SCAMP1: variants seen among roughly 807,000 people sequenced by gnomAD.
SCAMP1 encodes secretory carrier-associated membrane protein 1.
SCAMP1 carries 15 observed loss-of-function variants against 41.8 expected under a neutral mutation model. That is an observed-to-expected ratio of 0.36 (90% CI 0.24 to 0.55). The LOEUF (loss-of-function observed/expected upper bound fraction) is 0.55, where lower values mean the gene tolerates loss of function less well. Among genes scored for constraint, SCAMP1 ranks in the 20% least tolerant of loss-of-function variants. The pLI is 0.86. For synonymous variants in SCAMP1, 135 were observed against 136.8 expected (o/e 0.99, Z 0.09); for missense variants, 341 against 412.6 (o/e 0.83, Z 1.50).
chr5:78,430,898 T>A (rs1252964712), intron 6 of SCAMP1, among the ~76,000 whole-genome samples: 1 of 152,110 alleles, frequency 6.6e-6, no homozygotes, highest in Non-Finnish European at 1.5e-5. Context: ...TTAGTATTTG[T>A]TACAAAGTTC....
At chr5:78,402,521 A>C (rs995324655) in intron 2 of SCAMP1, among the ~76,000 whole-genome samples, 2 of 152,192 alleles carry the variant, frequency 1.3e-5, no homozygotes, top group African/African-American at 4.8e-5. Flanking sequence ...GATGTACATT[A>C]AGGAATGCTA....
At chr5:78,475,469 TA>T (rs1304881429) in intron 8 of SCAMP1, 34 bp from the exon 9 acceptor site, 1 of 1,511,898 alleles carries the variant, frequency 6.6e-7, no homozygotes, top group Admixed American at 2.3e-5. Context: ...CGTAGGTTGC[TA>T]CTTACCTTCT....
At chr5:78,372,824 A>G (rs1404375658) in intron 1 of SCAMP1, among the ~76,000 whole-genome samples, 1 of 152,180 alleles carries the variant, frequency 6.6e-6, no homozygotes, top group East Asian at 1.9e-4. Context: ...GCTTTAGAAA[A>G]TACAGGCAAC....
intron 2 of SCAMP1, among the ~76,000 whole-genome samples, chr5:78,400,128 G>GA (rs1487420654): frequency 1.3e-5 from 2 of 152,176 alleles, no homozygotes; most frequent in East Asian, 3.8e-4. Context: ...TTGTTGAAAA[G>GA]ACTGTTCCAT....
intron 2 of SCAMP1, among the ~76,000 whole-genome samples, chr5:78,402,304 A>C (rs1751819495): frequency 6.6e-6 from 1 of 151,712 alleles, no homozygotes; most frequent in African/African-American, 2.4e-5. Flanking sequence ...CTGTTGGATG[A>C]AGTGGTTGAT....
At chr5:78,458,226 TAAAGAAACAGAC>T (rs1753484565) in intron 7 of SCAMP1, among the ~76,000 whole-genome samples, 1 of 152,172 alleles carries the variant, frequency 6.6e-6, no homozygotes, top group African/African-American at 2.4e-5. Context: ...TTTAGTTTTC[TAAAGAAACAGAC>T]AAACTGTTCT....
At chr5:78,361,872 TGGAAGA>T in intron 1 of SCAMP1, among the ~76,000 whole-genome samples, 1 of 152,376 alleles carries the variant, frequency 6.6e-6, no homozygotes, top group East Asian at 1.9e-4. Context: ...TTAAGAATCC[TGGAAGA>T]GGAAAACTAT....
At chr5:78,435,570 G>A (rs1449309950) in intron 6 of SCAMP1, among the ~76,000 whole-genome samples, 1 of 152,132 alleles carries the variant, frequency 6.6e-6, no homozygotes, top group Non-Finnish European at 1.5e-5. Context: ...CTCTTTTATG[G>A]CTGCATAGTA....
intron 2 of SCAMP1, among the ~76,000 whole-genome samples, chr5:78,389,753 A>T (rs569812035): frequency 6.6e-6 from 1 of 151,700 alleles, no homozygotes; most frequent in Admixed American, 6.6e-5. Flanking sequence ...TTTTATTGTG[A>T]CCTAGATTTG....
chr5:78,469,913 C>CAAAAAAAAAAAAAAAAAAAAAAAAAA lies in SCAMP1; in HGVS notation c.853-5572_853-5571insAAAAAAAAAAAAAAAAAAAAAAAAAA, dbSNP rs1561290939. ...ATTAAAAAAAAAAAAAAAAAAAAAACAAAAAAAAAAAAAAAAAAACAACAA... is the reference window on the plus strand; with the variant it reads ...ATTAAAAAAAAAAAAAAAAAAAAAACAAAAAAAAAAAAAAAAAAAAAAAAAAAAAAAAAAAAAAAAAAAAACAACAA... On this transcript the variant is annotated intron_variant, in intron 8 of 8. Coordinates refer to ENST00000621999, the MANE Select transcript of SCAMP1 (RefSeq NM_004866.6). Among the ~76,000 whole-genome samples, 38 of 23,190 alleles carry CAAAAAAAAAAAAAAAAAAAAAAAAAA rather than the reference C, an allele frequency of 1.6e-3. 2 individuals are homozygous for CAAAAAAAAAAAAAAAAAAAAAAAAAA. Among genetic ancestry groups the CAAAAAAAAAAAAAAAAAAAAAAAAAA allele is most frequent in the Admixed American group, 2.5e-3 (6 of 2,360 alleles). The allele number at this position is 23,190 out of a possible 152,430, so 15.2% of individuals were successfully genotyped here.
chr5:78,453,478 C>T (rs1753297595), intron 7 of SCAMP1, among the ~76,000 whole-genome samples: 1 of 151,962 alleles, frequency 6.6e-6, no homozygotes, highest in South Asian at 2.1e-4. Context: ...TCAGGTTTGT[C>T]AAAGATCAGA....
chr5:78,452,781 T>A (rs1156536001), intron 7 of SCAMP1, among the ~76,000 whole-genome samples: 1 of 146,812 alleles, frequency 6.8e-6, no homozygotes, highest in Non-Finnish European at 1.5e-5. Flanking sequence ...CCACAATGGT[T>A]GAACTAGTTT....
chr5:78,452,313 T>A (rs1336540734), intron 7 of SCAMP1, among the ~76,000 whole-genome samples: 1 of 144,292 alleles, frequency 6.9e-6, no homozygotes, highest in Non-Finnish European at 1.5e-5. Context: ...TAGGTATATC[T>A]CCCAATGCTA....
chr5:78,435,853 G>A (rs964587570), intron 6 of SCAMP1, among the ~76,000 whole-genome samples: 2 of 152,226 alleles, frequency 1.3e-5, no homozygotes, highest in East Asian at 3.8e-4. Context: ...CAGTGTAAAA[G>A]CTTTCTTATT....
intron 1 of SCAMP1, among the ~76,000 whole-genome samples, chr5:78,382,337 A>G (rs762872232): frequency 1.3e-5 from 2 of 152,232 alleles, no homozygotes; most frequent in Non-Finnish European, 2.9e-5. Flanking sequence ...CACATGAATT[A>G]CATAGTTGAT....
intron 1 of SCAMP1, among the ~76,000 whole-genome samples, chr5:78,362,085 CT>C (rs774711424): frequency 1.4e-3 from 204 of 146,346 alleles, no homozygotes; most frequent in Admixed American, 1.4e-3. Flanking sequence ...CATTTTAAGA[CT>C]TTTTTTTTTT....
chr5:78,404,115 CA>C (rs34209617), intron 2 of SCAMP1, among the ~76,000 whole-genome samples: 23,912 of 124,116 alleles, frequency 0.19, 2,279 homozygotes, highest in Admixed American at 0.31. Flanking sequence ...GACCCTGTCT[CA>C]AAAAAAAAAA....
intron 8 of SCAMP1, among the ~76,000 whole-genome samples, chr5:78,465,937 G>C (rs1753735009): frequency 6.6e-6 from 1 of 152,204 alleles, no homozygotes; most frequent in African/African-American, 2.4e-5. Context: ...TCTTCTTAAA[G>C]TCAACTGAAG....
chr5:78,400,233 T>A (rs1751763717), intron 2 of SCAMP1, among the ~76,000 whole-genome samples: 1 of 152,250 alleles, frequency 6.6e-6, no homozygotes, highest in South Asian at 2.1e-4. Flanking sequence ...TCTGTTTTTC[T>A]AATCTTTTGT....
Sources: gnomAD v4.1 joint callset for allele counts (sites outside exome capture counted in the v4.1 genomes callset) on GRCh38, gnomAD v4.1.1 for gene constraint, MANE v1.5 for transcripts, NCBI Gene and HGNC (gene_info 2026-07-23, HGNC 2026-07-21) for gene names.